The following AJAP1 variants were observed in gnomAD, a reference collection of about 807,000 sequenced individuals.
AJAP1 encodes the protein adherens junction-associated protein 1.
AJAP1 carries 5 observed loss-of-function variants against 35.0 expected under a neutral mutation model. The ratio of observed to expected loss-of-function variants is 0.14; its 90% CI spans 0.07 to 0.30. AJAP1 has a LOEUF of 0.30. Among genes scored for constraint, AJAP1 ranks in the 10% least tolerant of loss-of-function variants. The pLI, the probability that AJAP1 is intolerant of heterozygous loss-of-function variation, is 1.00. For synonymous variants in AJAP1, 284 were observed against 249.3 expected, an observed-to-expected ratio of 1.14 and a Z score of -1.31; for missense variants, 586 against 571.0, an observed-to-expected ratio of 1.03 and a Z score of -0.27.
Position 4,692,835 on chromosome 1 carries a change from C to T in AJAP1, c.30-19065C>T, listed in dbSNP as rs1021283896. On this transcript the variant is annotated intron_variant, in intron 1 of 5. Coordinates refer to ENST00000378191, the MANE Select transcript of AJAP1 (RefSeq NM_018836.4). The surrounding 1 kb of genome is among the most constrained non-coding windows in gnomAD (Gnocchi z 4.4). ...CTGGGTTCCTCTGTCTGTTGGCCCACGAACAGGCATTAAGTGCACATTTTT... is the reference window on the plus strand; with the variant it reads ...CTGGGTTCCTCTGTCTGTTGGCCCATGAACAGGCATTAAGTGCACATTTTT... Among the ~76,000 whole-genome samples, 19 of 152,246 alleles carry T rather than the reference C, an allele frequency of 1.2e-4. No homozygotes were observed. The East Asian group carries it at 2.5e-3, about 20-fold the overall frequency.
At chr1:4,682,246 C>G (rs1386358703) in intron 1 of AJAP1, among the ~76,000 whole-genome samples, 2 of 152,146 alleles carry the variant, frequency 1.3e-5, no homozygotes, top group Non-Finnish European at 2.9e-5. Flanking sequence ...CATCGATGGT[C>G]TTCATATGGT....
chr1:4,734,877 C>G lies in AJAP1; in HGVS notation c.829+22178C>G, dbSNP rs746102383. Among the ~76,000 whole-genome samples the G allele has an allele frequency of 6.6e-6, 1 of 152,180 alleles. No individual in the cohort carries two copies. Among genetic ancestry groups the G allele is most frequent in the Middle Eastern group, 3.2e-3 (1 of 316 alleles). On this transcript the variant is annotated intron_variant, in intron 2 of 5. Transcript: ENST00000378191. The surrounding 1 kb of genome is among the most constrained non-coding windows in gnomAD (Gnocchi z 4.3). ...CGAAACAGTGGCGTTTCCTCTTCCC[C>G]GAGCACTCAGCCTCCATCTGGCTTT... is the stretch of plus-strand genomic sequence containing the variant.
Position 4,712,711 on chromosome 1 carries a change from T to C in AJAP1, c.829+12T>C. On this transcript the variant is annotated intron_variant, in intron 2 of 5. Coordinates refer to ENST00000378191, the MANE Select transcript of AJAP1 (RefSeq NM_018836.4). Reference sequence around the variant, plus strand: ...GGGGGAGGCCTCAGGTACAGCCATCTCTCTTCTGGTTTGGGTTTGCTTGGG... The same window carrying C: ...GGGGGAGGCCTCAGGTACAGCCATCCCTCTTCTGGTTTGGGTTTGCTTGGG... 2.7e-6 allele frequency: 4 copies of C among 1,501,500 alleles called. No homozygotes were observed. The highest frequency in any genetic ancestry group is 3.6e-6 in the Non-Finnish European group (4 of 1,123,584). 93.0% of individuals were successfully genotyped at this position (1,501,500 alleles called of 1,614,324 possible).
chr1:4,656,168 G>A lies in AJAP1; in HGVS notation c.29+714G>A, dbSNP rs994967462. On this transcript the variant is annotated intron_variant, in intron 1 of 5. Coordinates refer to ENST00000378191, the MANE Select transcript of AJAP1 (RefSeq NM_018836.4). The surrounding 1 kb of genome is among the most constrained non-coding windows in gnomAD (Gnocchi z 5.7). ...GGCTTGTCTGTGTCTGGGACTCCAG[G>A]GCCAGATGGAAGAGGGGGTTCGAGC... 5.9e-5 allele frequency among the ~76,000 whole-genome samples: 9 copies of A among 152,182 alleles called. No homozygotes were observed. The highest frequency in any genetic ancestry group is 3.9e-4 in the Admixed American group (6 of 15,288).
intron 2 of AJAP1, among the ~76,000 whole-genome samples, chr1:4,716,963 A>T (rs1384238409): frequency 2.0e-5 from 3 of 152,172 alleles, no homozygotes; most frequent in Non-Finnish European, 4.4e-5. Context: ...GCACAGGTTC[A>T]CAGAGGCATT....
chr1:4,781,803 G>C (rs1012524487), intron 5 of AJAP1, among the ~76,000 whole-genome samples: 1 of 152,226 alleles, frequency 6.6e-6, no homozygotes, highest in Admixed American at 6.5e-5. Context: ...GAGGGATGCT[G>C]ACCTACTGGG....
chr1:4,738,568 G>A (rs1364245084), intron 2 of AJAP1, among the ~76,000 whole-genome samples: 2 of 152,158 alleles, frequency 1.3e-5, no homozygotes, highest in Non-Finnish European at 2.9e-5. Flanking sequence ...GAGCAGAAGG[G>A]AAGAGTAAGG....
In AJAP1 at chr1:4,787,561, A is replaced by T. The variant is rs1158350804; in HGVS notation, c.*5076A>T. On this transcript the variant is annotated 3_prime_UTR_variant, in exon 6 of 6. Coordinates refer to ENST00000378191, the MANE Select transcript of AJAP1 (RefSeq NM_018836.4). The stretch of plus-strand genomic sequence containing the variant: ...CAGTTGTTACGACGCCTGGTTCTCC[A>T]CCAAATTCCTCTGTCATTCCAGCAA... 1 of 406,524 alleles carries T rather than the reference A, an allele frequency of 2.5e-6. No homozygotes were observed. The highest frequency in any genetic ancestry group is 4.9e-6 in the Non-Finnish European group (1 of 203,298). The allele number at this position is 406,524 out of a possible 1,614,324, so 25.2% of individuals were successfully genotyped here.
At chr1:4,732,881 C>T (rs564703248) in intron 2 of AJAP1, among the ~76,000 whole-genome samples, 8 of 152,200 alleles carry the variant, frequency 5.3e-5, no homozygotes, top group East Asian at 3.9e-4. Context: ...TTTCCCCTGA[C>T]GCTCTTGGGA....
rs1485056297 is a variant in AJAP1 at position 4,786,404 on chromosome 1, C to T, written c.*3919C>T. ...TGAACTCATCAGCAAACCCCACCCA[C>T]TCTTTGAATCGGGACACCAGGAAAC... On this transcript the variant is annotated 3_prime_UTR_variant, in exon 6 of 6. Transcript: ENST00000378191. 1 of 152,200 alleles carries T rather than the reference C, an allele frequency of 6.6e-6. No homozygotes were observed. The highest frequency in any genetic ancestry group is 2.4e-5 in the African/African-American group (1 of 41,440). The allele number at this position is 152,200 out of a possible 1,614,324, so 9.4% of individuals were successfully genotyped here.
At chr1:4,675,073 G>C (rs185242093) in intron 1 of AJAP1, among the ~76,000 whole-genome samples, 4 of 152,058 alleles carry the variant, frequency 2.6e-5, no homozygotes, top group Non-Finnish European at 4.4e-5. Flanking sequence ...GGAGAGCGGT[G>C]GGGGGGAAAC....
chr1:4,718,104 A>T (rs1428673458), intron 2 of AJAP1, among the ~76,000 whole-genome samples: 1 of 151,912 alleles, frequency 6.6e-6, no homozygotes, highest in Non-Finnish European at 1.5e-5. Flanking sequence ...TTCTGAATGG[A>T]TGCAGCGTGG....
At chr1:4,678,150 C>T (rs1639401544) in intron 1 of AJAP1, among the ~76,000 whole-genome samples, 1 of 152,206 alleles carries the variant, frequency 6.6e-6, no homozygotes, top group African/African-American at 2.4e-5. Flanking sequence ...GTGAATCTTT[C>T]CTGTGGCCTG....
chr1:4,658,201 C>G (rs1004650598), intron 1 of AJAP1, among the ~76,000 whole-genome samples: 1 of 152,210 alleles, frequency 6.6e-6, no homozygotes, highest in Non-Finnish European at 1.5e-5. Context: ...ACTGTGATCC[C>G]TAGCAGAGTG....
At chr1:4,710,169 G>C (rs74684785) in intron 1 of AJAP1, among the ~76,000 whole-genome samples, 2 of 151,586 alleles carry the variant, frequency 1.3e-5, no homozygotes, top group Admixed American at 6.6e-5. Context: ...CTCTCACACA[G>C]ACACACTCAC....
intron 1 of AJAP1, among the ~76,000 whole-genome samples, chr1:4,666,995 G>T (rs892599793): frequency 1.3e-5 from 2 of 152,044 alleles, no homozygotes; most frequent in Non-Finnish European, 2.9e-5. Flanking sequence ...ACAGGAGGGT[G>T]CAGAGAGGGG....
intron 2 of AJAP1, among the ~76,000 whole-genome samples, chr1:4,758,980 G>A (rs930181255): frequency 2.0e-5 from 3 of 152,230 alleles, no homozygotes; most frequent in Non-Finnish European, 4.4e-5. Flanking sequence ...TTCTGAAGAT[G>A]GCCAGCACCA....
intron 3 of AJAP1, among the ~76,000 whole-genome samples, chr1:4,771,424 C>T (rs1641830725): frequency 6.6e-6 from 1 of 152,184 alleles, no homozygotes; most frequent in East Asian, 1.9e-4. Context: ...TCCCTGTACA[C>T]AGGCCCTGAG....
intron 1 of AJAP1, among the ~76,000 whole-genome samples, chr1:4,688,714 G>A (rs556342921): frequency 1.4e-3 from 205 of 146,824 alleles, no homozygotes; most frequent in African/African-American, 5.1e-3. Flanking sequence ...AGAGGTTGCC[G>A]TGAGCTGAGA....
Sources: allele counts gnomAD v4.1 joint callset (sites outside exome capture counted in the v4.1 genomes callset), GRCh38; gene constraint gnomAD v4.1.1; non-coding constraint Gnocchi (gnomAD v3.1); transcripts MANE v1.5; gene names NCBI Gene and HGNC (gene_info 2026-07-23, HGNC 2026-07-21).